Variants in IRF2BPL observed in about 807,000 individuals in gnomAD.
IRF2BPL encodes interferon regulatory factor 2 binding protein like.
A neutral mutation model predicts 51.2 loss-of-function variants in IRF2BPL; 13 were observed. The observed-to-expected ratio is 0.25, with a 90% CI of 0.17 to 0.40. The LOEUF (loss-of-function observed/expected upper bound fraction) is 0.40, where lower values mean the gene tolerates loss of function less well. IRF2BPL is among the 10% of genes least tolerant of loss of function. The probability of loss-of-function intolerance (pLI) is 1.00; values close to 1 mark genes in which losing one functional copy is unlikely to be tolerated. For synonymous variants in IRF2BPL, 768 were observed against 509.2 expected (o/e 1.51, Z -6.84); for missense variants, 1,210 against 1,111.8 (o/e 1.09, Z -1.26).
Position 77,025,945 on chromosome 14 carries a change from G to A in IRF2BPL, c.1848C>T (p.Ala616=). The part of the protein sequence containing the change: ...HSNRTTPPES[A]PQNGPSPMAA... Reference sequence around the variant, plus strand: ...CCATAGGGGACGGACCGTTCTGGGGGGCTGACTCAGGTGGGGTGGTCCGGT... The same window carrying A: ...CCATAGGGGACGGACCGTTCTGGGGAGCTGACTCAGGTGGGGTGGTCCGGT... The change falls in exon 1 of 1, where the codon GCC becomes GCT. Residue 616 remains alanine (A), a synonymous_variant. Transcript: ENST00000238647. 1 of 1,606,806 alleles carries A rather than the reference G, an allele frequency of 6.2e-7. No individual in the cohort carries two copies. Among genetic ancestry groups the A allele is most frequent in the Non-Finnish European group, 8.5e-7 (1 of 1,177,302 alleles).
rs1184602812 is a variant in IRF2BPL at position 77,025,178 on chromosome 14, C to T, written c.*224G>A. On this transcript the variant is annotated 3_prime_UTR_variant, in exon 1 of 1. Transcript: ENST00000238647. ...CCAATACTATACTGCTTAACACAAA[C>T]CAGCTTATCCTTCAAATGAAGAAGT... The T allele has an allele frequency of 7.2e-6, 3 of 417,086 alleles. No individual in the cohort carries two copies. The highest frequency in any genetic ancestry group is 1.3e-5 in the Non-Finnish European group (3 of 233,454). The allele number at this position is 417,086 out of a possible 1,614,324, so 25.8% of individuals were successfully genotyped here. A position where few individuals can be genotyped will look rare whatever the true frequency, so the allele number is the denominator to read the frequency against.
rs778160685 is a variant in IRF2BPL, at chr14:77,025,946, G to A, written c.1847C>T (p.Ala616Val). The change falls in exon 1 of 1, where the codon GCC becomes GTC. Residue 616 changes from alanine to valine, a missense_variant. Coordinates refer to ENST00000238647, the MANE Select transcript of IRF2BPL (RefSeq NM_024496.4). ...CATAGGGGACGGACCGTTCTGGGGG[G>A]CTGACTCAGGTGGGGTGGTCCGGTT... The part of the protein sequence containing the change: ...HSNRTTPPES[A>V]PQNGPSPMAA... The A allele has an allele frequency of 4.4e-6, 7 of 1,606,390 alleles. No homozygotes were observed. Among genetic ancestry groups the A allele is most frequent in the Non-Finnish European group, 5.9e-6 (7 of 1,177,140 alleles).
chr14:77,025,986 G>T lies in IRF2BPL; in HGVS notation c.1807C>A (p.Leu603Met). ...AGGPPPPPPP[L>M]GPHSNRTTPP... Reference sequence around the variant, plus strand: ...GTGGTCCGGTTGGAATGGGGTCCCAGAGGTGGGGGCGGCGGAGGCGGACCC... The same window carrying T: ...GTGGTCCGGTTGGAATGGGGTCCCATAGGTGGGGGCGGCGGAGGCGGACCC... The change falls in exon 1 of 1, where the codon CTG becomes ATG. Residue 603 changes from leucine to methionine, a missense_variant. By Grantham distance (15) the Leu-to-Met change is conservative. Coordinates refer to ENST00000238647, the MANE Select transcript of IRF2BPL (RefSeq NM_024496.4). 1.3e-6 allele frequency: 2 copies of T among 1,585,824 alleles called. No individual in the cohort carries two copies. The highest frequency in any genetic ancestry group is 1.7e-4 in the Middle Eastern group (1 of 6,020).
Position 77,026,103 on chromosome 14 carries a change from G to T in IRF2BPL, c.1690C>A (p.Gln564Lys). 6.3e-7 allele frequency: 1 copy of T among 1,575,944 alleles called. No individual in the cohort carries two copies. The highest frequency in any genetic ancestry group is 2.3e-5 in the East Asian group (1 of 42,878). Residue 564 changes from glutamine (Q) to lysine (K), a missense_variant, in exon 1 of 1, where the codon CAG becomes AAG. Gln to Lys is a moderately conservative substitution (Grantham distance 53). Transcript: ENST00000238647. ...AEGALKLGEEQQRQQWMANQS... is the reference protein window; with the variant it reads ...AEGALKLGEEKQRQQWMANQS... ...TTCGCCATCCACTGCTGCCTCTGCT[G>T]TTCCTCGCCCAGCTTCAGCGCGCCC...
Position 77,026,750 on chromosome 14 carries a change from T to C in IRF2BPL, c.1043A>G (p.Gln348Arg). The C allele has an allele frequency of 6.2e-7, 1 of 1,612,534 alleles. No individual in the cohort carries two copies. Among genetic ancestry groups the C allele is most frequent in the Non-Finnish European group, 8.5e-7 (1 of 1,179,816 alleles). Residue 348 changes from glutamine to arginine, a missense_variant, in exon 1 of 1, where the codon CAG becomes CGG. Physicochemically the swap from Gln to Arg is conservative, Grantham distance 43. Transcript: ENST00000238647. ...CTCGGCCAGGGCCTCGGCGTTGCGCTGCTTCTCCTTCAACTCGCGCTCCTG... is the reference window on the plus strand; with the variant it reads ...CTCGGCCAGGGCCTCGGCGTTGCGCCGCTTCTCCTTCAACTCGCGCTCCTG... The part of the protein sequence containing the change: ...TDQERELKEK[Q>R]RNAEALAELS...
chr14:77,027,171 G>T lies in IRF2BPL; in HGVS notation c.622C>A (p.Pro208Thr), dbSNP rs1428001229. 3.7e-6 allele frequency: 6 copies of T among 1,612,920 alleles called. No homozygotes were observed. In the East Asian group the frequency reaches 1.1e-4, roughly 30 times the overall value. Reference sequence around the variant, plus strand: ...GGGCTCTGACGGTTCAGCTCTGGGGGTCCCTCCTCTGGTGTTGGTTTGGGG... The same window carrying T: ...GGGCTCTGACGGTTCAGCTCTGGGGTTCCCTCCTCTGGTGTTGGTTTGGGG... ...GFPKPTPEEG[P>T]PELNRQSPNS... Residue 208 changes from proline to threonine, a missense_variant, in exon 1 of 1, where the codon CCC becomes ACC. Coordinates refer to ENST00000238647, the MANE Select transcript of IRF2BPL (RefSeq NM_024496.4).
rs769939859 is a variant in IRF2BPL, at chr14:77,027,640, G to A, written c.153C>T (p.Ile51=). 1.9e-6 allele frequency: 3 copies of A among 1,609,444 alleles called. No homozygotes were observed. The highest frequency in any genetic ancestry group is 3.3e-5 in the Admixed American group (2 of 59,790). ...CCCGCTTCAGCTGGCGCGCTGTCTC[G>A]ATCACGAATTCGATGCGATCAGCGC... ...YEGADRIEFV[I]ETARQLKRAH... is the part of the protein sequence containing the mutation. Residue 51 remains isoleucine (I), a synonymous_variant, in exon 1 of 1, where the codon ATC becomes ATT. Transcript: ENST00000238647.
rs1414393587 is a variant in IRF2BPL at position 77,028,578 on chromosome 14, C to A, written c.-786G>T. 3 of 383,308 alleles carry A rather than the reference C, an allele frequency of 7.8e-6. No homozygotes were observed. Among genetic ancestry groups the A allele is most frequent in the Non-Finnish European group, 1.4e-5 (3 of 216,144 alleles). The allele number at this position is 383,308 out of a possible 1,614,324, so 23.7% of individuals were successfully genotyped here. On this transcript the variant is annotated 5_prime_UTR_variant, in exon 1 of 1. Transcript: ENST00000238647. ...CGTTGGCTGCAGGGCGCTCGCGCGGCGCCTCGGCCCGGGTCGCATCCCTTC... is the reference window on the plus strand; with the variant it reads ...CGTTGGCTGCAGGGCGCTCGCGCGGAGCCTCGGCCCGGGTCGCATCCCTTC...
rs1169256857 is a variant in IRF2BPL, at chr14:77,027,806, G to C, written c.-14C>G. The C allele has an allele frequency of 6.5e-7, 1 of 1,529,272 alleles. No individual in the cohort carries two copies. Among genetic ancestry groups the C allele is most frequent in the Non-Finnish European group, 8.8e-7 (1 of 1,133,518 alleles). 94.7% of individuals were successfully genotyped at this position (1,529,272 alleles called of 1,614,324 possible). On this transcript the variant is annotated 5_prime_UTR_variant, in exon 1 of 1. Coordinates refer to ENST00000238647, the MANE Select transcript of IRF2BPL (RefSeq NM_024496.4). ...CGCCGCCGACATGATGCCTGCCCTG[G>C]GGAAGGTAGGCCCCCGCCCGGGCTG...
rs1432066824 is a variant in IRF2BPL at position 77,025,439 on chromosome 14, G to A, written c.2354C>T (p.Ala785Val). The A allele has an allele frequency of 2.5e-6, 4 of 1,589,776 alleles. No homozygotes were observed. The highest frequency in any genetic ancestry group is 3.4e-6 in the Non-Finnish European group (4 of 1,167,428). The change falls in exon 1 of 1, where the codon GCT (alanine) becomes GTT (valine). Residue 785 changes from alanine to valine, a missense_variant. By Grantham distance (64) the Ala-to-Val change is moderately conservative. Coordinates refer to ENST00000238647, the MANE Select transcript of IRF2BPL (RefSeq NM_024496.4). ...CTCCTTTTTCACTTTAACATCCCCA[G>A]CTAAGATAGTCGCGATTTCGCCCTG... ...FMQGEIATIL[A>V]GDVKVKKERD...
rs367752351 is a variant in IRF2BPL, at chr14:77,027,784, C to T, written c.9G>A (p.Ala3=). The change falls in exon 1 of 1, where the codon GCG becomes GCA. Residue 3 remains alanine, a synonymous_variant. Coordinates refer to ENST00000238647, the MANE Select transcript of IRF2BPL (RefSeq NM_024496.4). The stretch of plus-strand genomic sequence containing the variant: ...GTCTCCGGGACGAGGACACCTGCGC[C>T]GCCGACATGATGCCTGCCCTGGGGA... MS[A]AQVSSSRRQS... 3.8e-6 allele frequency: 6 copies of T among 1,575,654 alleles called. No homozygotes were observed. Among genetic ancestry groups the T allele is most frequent in the Non-Finnish European group, 5.2e-6 (6 of 1,159,372 alleles).
rs910829814 is a variant in IRF2BPL, at chr14:77,027,388, G to A, written c.405C>T (p.Ser135=). The A allele has an allele frequency of 9.4e-6, 14 of 1,487,756 alleles. No homozygotes were observed. Among genetic ancestry groups the A allele is most frequent in the African/African-American group, 9.3e-5 (6 of 64,498 alleles). 92.2% of individuals were successfully genotyped at this position (1,487,756 alleles called of 1,614,324 possible). A position where few individuals can be genotyped will look rare whatever the true frequency, so the allele number is the denominator to read the frequency against. Residue 135 remains serine (S), a synonymous_variant, in exon 1 of 1, where the codon AGC becomes AGT. Transcript: ENST00000238647. ...ACGGGGCCGCCAGCACCGCAGGCTT[G>A]CTGGAACCATCAACGTGGTTGAGCT... ...QQQLNHVDGS[S]KPAVLAAPSG... is the part of the protein sequence containing the mutation.
Position 77,025,179 on chromosome 14 carries a change from C to T in IRF2BPL, c.*223G>A. The T allele has an allele frequency of 2.4e-6, 1 of 417,938 alleles. No individual in the cohort carries two copies. The highest frequency in any genetic ancestry group is 4.3e-6 in the Non-Finnish European group (1 of 234,048). The allele number at this position is 417,938 out of a possible 1,614,324, so 25.9% of individuals were successfully genotyped here. A position where few individuals can be genotyped will look rare whatever the true frequency, so the allele number is the denominator to read the frequency against. ...CAATACTATACTGCTTAACACAAAC[C>T]AGCTTATCCTTCAAATGAAGAAGTT... On this transcript the variant is annotated 3_prime_UTR_variant, in exon 1 of 1. Coordinates refer to ENST00000238647, the MANE Select transcript of IRF2BPL (RefSeq NM_024496.4).
Position 77,026,890 on chromosome 14 carries a change from AC to A in IRF2BPL, c.902del (p.Gly301ValfsTer44). The A allele has an allele frequency of 6.5e-7, 1 of 1,535,804 alleles. No homozygotes were observed. On this transcript the variant is annotated frameshift_variant, in exon 1 of 1. Coordinates refer to ENST00000238647, the MANE Select transcript of IRF2BPL (RefSeq NM_024496.4). LOFTEE classifies it high-confidence loss of function. ...GAPGGPACLG[G>X]TPGVSATSSS... Reference sequence around the variant, plus strand: ...ACGACGTGGCCGATACACCCGGGGTACCCCCGAGACAAGCGGGGCCCCCAGG... The same window carrying A: ...ACGACGTGGCCGATACACCCGGGGTACCCCGAGACAAGCGGGGCCCCCAGG...
chr14:77,026,268 T>C lies in IRF2BPL; in HGVS notation c.1525A>G (p.Thr509Ala), dbSNP rs746671876. ...YLDASCPMLP[T>A]ALVSLSRAPS... is the part of the protein sequence containing the mutation. ...GCGCGGCTCAGACTCACCAGAGCAG[T>C]GGGCAGCATGGGACAGCTGGCGTCC... is the stretch of plus-strand genomic sequence containing the variant. The change falls in exon 1 of 1, where the codon ACT becomes GCT. Residue 509 changes from threonine to alanine, a missense_variant. Coordinates refer to ENST00000238647, the MANE Select transcript of IRF2BPL (RefSeq NM_024496.4). 4.0e-6 allele frequency: 6 copies of C among 1,492,668 alleles called. No individual in the cohort carries two copies. Among genetic ancestry groups the C allele is most frequent in the Non-Finnish European group, 5.3e-6 (6 of 1,122,978 alleles). 92.5% of individuals were successfully genotyped at this position (1,492,668 alleles called of 1,614,324 possible).
rs770435618 is a variant in IRF2BPL at position 77,027,508 on chromosome 14, CGCT to C, written c.282_284del (p.Ala102del). 678 of 673,012 alleles carry C rather than the reference CGCT, an allele frequency of 1.0e-3. 4 individuals are homozygous for C. Among genetic ancestry groups the C allele is most frequent in the Admixed American group, 1.2e-3 (18 of 15,566 alleles). The allele number at this position is 673,012 out of a possible 1,614,324, so 41.7% of individuals were successfully genotyped here. On this transcript the variant is annotated inframe_deletion, in exon 1 of 1. Coordinates refer to ENST00000238647, the MANE Select transcript of IRF2BPL (RefSeq NM_024496.4). ...GTTGCGCGGCGGCGGCGGCGGCCGC[CGCT>C]GCTGCCGCCGCCGCCGCCGCTTCCT...
In IRF2BPL at chr14:77,026,629, G is replaced by A. The variant is rs1365129193; in HGVS notation, c.1164C>T (p.Tyr388=). ...TLLTLAGCTP[Y]EVRFKKDHSL... is the part of the protein sequence containing the mutation. The stretch of plus-strand genomic sequence containing the variant: ...AGTGGTCCTTCTTGAAGCGAACCTC[G>A]TAGGGCGTGCAGCCTGCCAGCGTGA... Residue 388 remains tyrosine, a synonymous_variant, in exon 1 of 1, where the codon TAC becomes TAT. Transcript: ENST00000238647. 1 of 1,613,780 alleles carries A rather than the reference G, an allele frequency of 6.2e-7. No homozygotes were observed.
At position 77,027,895 on chromosome 14, in the gene IRF2BPL, A is replaced by G. The variant is rs987833223; in HGVS notation, c.-103T>C. Reference sequence around the variant, plus strand: ...TGGGGAGGGAGTCCGACTGCGGGGGAGGGAGGAGGGGGGGCGAGAAAGTTC... The same window carrying G: ...TGGGGAGGGAGTCCGACTGCGGGGGGGGGAGGAGGGGGGGCGAGAAAGTTC... On this transcript the variant is annotated 5_prime_UTR_variant, in exon 1 of 1. Coordinates refer to ENST00000238647, the MANE Select transcript of IRF2BPL (RefSeq NM_024496.4). 2 of 1,249,074 alleles carry G rather than the reference A, an allele frequency of 1.6e-6. No homozygotes were observed. The highest frequency in any genetic ancestry group is 1.1e-6 in the Non-Finnish European group (1 of 951,482). 77.4% of individuals were successfully genotyped at this position (1,249,074 alleles called of 1,614,324 possible).
At position 77,025,747 on chromosome 14, in the gene IRF2BPL, C is replaced by T. The variant is rs1404189420; in HGVS notation, c.2046G>A (p.Gln682=). 6.3e-7 allele frequency: 1 copy of T among 1,593,024 alleles called. No homozygotes were observed. The highest frequency in any genetic ancestry group is 1.1e-5 in the South Asian group (1 of 88,162). Residue 682 remains glutamine (Q), a synonymous_variant, in exon 1 of 1, where the codon CAG becomes CAA. Transcript: ENST00000238647. ...GGGCGCTAGGCGGCGGGGGCGCCAC[C>T]TGTAAATTCAGGTCCCCGTTACGTG... is the stretch of plus-strand genomic sequence containing the variant. The part of the protein sequence containing the change: ...LASRNGDLNL[Q]VAPPPPSAHP...
Sources: gnomAD v4.1 joint callset for allele counts on GRCh38, gnomAD v4.1.1 for gene constraint, MANE v1.5 for transcripts, NCBI Gene and HGNC (gene_info 2026-07-23, HGNC 2026-07-21) for gene names.